CSF3R: variants seen among roughly 807,000 people sequenced by gnomAD.
The protein encoded by CSF3R is colony stimulating factor 3 receptor, also known as granulocyte colony-stimulating factor receptor.
Under a neutral mutation model 84.4 loss-of-function variants are expected in CSF3R, and 52 were observed. The ratio of observed to expected loss-of-function variants is 0.62; its 90% CI spans 0.49 to 0.78. The LOEUF (loss-of-function observed/expected upper bound fraction) is 0.78, where lower values mean the gene tolerates loss of function less well. CSF3R is among the 30% of genes least tolerant of loss of function. The probability of loss-of-function intolerance (pLI) is 0.00; values close to 1 mark genes in which losing one functional copy is unlikely to be tolerated. For synonymous variants in CSF3R, 384 were observed against 429.1 expected, an observed-to-expected ratio of 0.89 and a Z score of 1.30; for missense variants, 890 against 1,055.7, an observed-to-expected ratio of 0.84 and a Z score of 2.17.
chr1:36,468,290 T>C (rs1354435001), intron 12 of CSF3R, 69 bp from the exon 13 acceptor site: 4 of 1,485,754 alleles, frequency 2.7e-6, no homozygotes, highest in Middle Eastern at 1.9e-4. Context: ...GGACTTCTTG[T>C]GGCTTCCCAG....
chr1:36,469,136 G>C lies in CSF3R; in HGVS notation c.1576+20C>G, dbSNP rs761491589. 1 of 1,565,318 alleles carries C rather than the reference G, an allele frequency of 6.4e-7. No individual in the cohort carries two copies. The highest frequency in any genetic ancestry group is 8.8e-7 in the Non-Finnish European group (1 of 1,136,150). On this transcript the variant is annotated intron_variant, in intron 12 of 16. Coordinates refer to ENST00000373106, the MANE Select transcript of CSF3R (RefSeq NM_000760.4). Reference sequence around the variant, plus strand: ...AGAGAGAGGAGAGGATTCTGGAAAGGGGCCTGATAGTTGACAAACCCATTT... The same window carrying C: ...AGAGAGAGGAGAGGATTCTGGAAAGCGGCCTGATAGTTGACAAACCCATTT...
rs753048055 is a variant in CSF3R at position 36,479,498 on chromosome 1, G to A, written c.-2C>T. ...GCTGCAGTTTCCCAGCCTTGCCATA[G>A]CACCAACTTGATGTTCACCTGTAGG... On this transcript the variant is annotated 5_prime_UTR_variant, in exon 3 of 17. Transcript: ENST00000373106. 8 of 1,614,114 alleles carry A rather than the reference G, an allele frequency of 5.0e-6. No individual in the cohort carries two copies. The highest frequency in any genetic ancestry group is 1.6e-4 in the Middle Eastern group (1 of 6,062).
In CSF3R at chr1:36,467,104, G is replaced by C. The variant is rs1650372304; in HGVS notation, c.2040+126C>G. The stretch of plus-strand genomic sequence containing the variant: ...GGGATTCAAAGTTGGGTCTGCTTCA[G>C]TCCAAAGGGACGAGATGTTGCCGGA... On this transcript the variant is annotated intron_variant, in intron 16 of 16. Coordinates refer to ENST00000373106, the MANE Select transcript of CSF3R (RefSeq NM_000760.4). The surrounding 1 kb of genome is among the most constrained non-coding windows in gnomAD (Gnocchi z 4.1). 1.5e-6 allele frequency: 2 copies of C among 1,293,704 alleles called. No homozygotes were observed. Among genetic ancestry groups the C allele is most frequent in the South Asian group, 2.5e-5 (2 of 81,576 alleles). The allele number at this position is 1,293,704 out of a possible 1,614,324, so 80.1% of individuals were successfully genotyped here. A position where few individuals can be genotyped will look rare whatever the true frequency, so the allele number is the denominator to read the frequency against.
At position 36,467,429 on chromosome 1, in the gene CSF3R, G is replaced by A. The variant is rs929433525; in HGVS notation, c.1959-118C>T. 2 of 1,409,980 alleles carry A rather than the reference G, an allele frequency of 1.4e-6. No individual in the cohort carries two copies. Among genetic ancestry groups the A allele is most frequent in the African/African-American group, 1.4e-5 (1 of 70,634 alleles). 87.3% of individuals were successfully genotyped at this position (1,409,980 alleles called of 1,614,324 possible). A position where few individuals can be genotyped will look rare whatever the true frequency, so the allele number is the denominator to read the frequency against. ...CCCTTAGTGCAGAGAGAAGAAGCTG[G>A]GGGCTGGGACTCTCAGACATGGGCC... is the stretch of plus-strand genomic sequence containing the variant. On this transcript the variant is annotated intron_variant, in intron 15 of 16. Transcript: ENST00000373106. This position sits in a 1 kb window ranked among gnomAD's most constrained non-coding sequence, Gnocchi z 4.1.
chr1:36,473,594 C>A lies in CSF3R; in HGVS notation c.514G>T (p.Asp172Tyr). ...TTGGGCACGCAGTCCAGGATGGAGT[C>A]CCCTTGGGTCTGACAGTTGCCCCGG... Reference protein sequence around the residue: ...KSRGNCQTQGDSILDCVPKDG... With the variant: ...KSRGNCQTQGYSILDCVPKDG... Residue 172 changes from aspartate (D) to tyrosine (Y), a missense_variant, in exon 6 of 17, where the codon GAC becomes TAC. Coordinates refer to ENST00000373106, the MANE Select transcript of CSF3R (RefSeq NM_000760.4). 2.5e-6 allele frequency: 4 copies of A among 1,614,092 alleles called. No individual in the cohort carries two copies. The highest frequency in any genetic ancestry group is 3.4e-6 in the Non-Finnish European group (4 of 1,180,036).
Position 36,467,325 on chromosome 1 carries a change from C to T in CSF3R, c.1959-14G>A. The T allele has an allele frequency of 1.2e-6, 2 of 1,613,528 alleles. No individual in the cohort carries two copies. Among genetic ancestry groups the T allele is most frequent in the Non-Finnish European group, 1.7e-6 (2 of 1,179,472 alleles). On this transcript the variant is annotated splice_polypyrimidine_tract_variant and intron_variant, in intron 15 of 16. Coordinates refer to ENST00000373106, the MANE Select transcript of CSF3R (RefSeq NM_000760.4). This position sits in a 1 kb window ranked among gnomAD's most constrained non-coding sequence, Gnocchi z 4.1. ...GGATTCTTCCTGCTGGAGAAGGGGG[C>T]AGGTGGAGGCTGAGTCAGACACACC... is the stretch of plus-strand genomic sequence containing the variant.
Position 36,466,300 on chromosome 1 carries a change from T to A in CSF3R, c.*57A>T. ...CATGGGCTTATGGACCCTCCCCTCT[T>A]CTCCAGCTAGCTCAGGCCTTTAAGA... is the stretch of plus-strand genomic sequence containing the variant. On this transcript the variant is annotated 3_prime_UTR_variant, in exon 17 of 17. Transcript: ENST00000373106. The surrounding 1 kb of genome is among the most constrained non-coding windows in gnomAD (Gnocchi z 4.6). The A allele has an allele frequency of 6.2e-7, 1 of 1,611,764 alleles. No individual in the cohort carries two copies. The highest frequency in any genetic ancestry group is 8.5e-7 in the Non-Finnish European group (1 of 1,179,486).
chr1:36,471,456 G>A lies in CSF3R; in HGVS notation c.1262C>T (p.Pro421Leu), dbSNP rs776379864. The A allele has an allele frequency of 1.0e-4, 162 of 1,614,012 alleles. No homozygotes were observed. Among genetic ancestry groups the A allele is most frequent in the African/African-American group, 8.0e-5 (6 of 74,950 alleles). ...YNSAGTSRPTPVVFSESRGPA... is the reference protein window; with the variant it reads ...YNSAGTSRPTLVVFSESRGPA... Reference sequence around the variant, plus strand: ...ACCTCTGCTTTCTGAGAAGACCACCGGAGTGGGACGAGAGGTCCCGGCTGA... The same window carrying A: ...ACCTCTGCTTTCTGAGAAGACCACCAGAGTGGGACGAGAGGTCCCGGCTGA... Residue 421 changes from proline to leucine, a missense_variant, in exon 10 of 17, where the codon CCG becomes CTG. Physicochemically the swap from Pro to Leu is moderately conservative, Grantham distance 98 (BLOSUM62 -3). Coordinates refer to ENST00000373106, the MANE Select transcript of CSF3R (RefSeq NM_000760.4).
At chr1:36,469,319 G>T in intron 11 of CSF3R, 62 bp from the exon 12 acceptor site, 1 of 1,313,440 alleles carries the variant, frequency 7.6e-7, no homozygotes, top group Non-Finnish European at 1.1e-6. Flanking sequence ...ATGATCAGGA[G>T]CTAGCCTCAG....
rs1319117186 is a variant in CSF3R, at chr1:36,479,590, G to T, written c.-20-74C>A. 9.7e-6 allele frequency: 12 copies of T among 1,242,036 alleles called. No individual in the cohort carries two copies. The East Asian group carries it at 2.6e-4, about 27-fold the overall frequency. The allele number at this position is 1,242,036 out of a possible 1,614,324, so 76.9% of individuals were successfully genotyped here. A position where few individuals can be genotyped will look rare whatever the true frequency, so the allele number is the denominator to read the frequency against. ...GATCTTAATCCTTGTCTGTCACTGT[G>T]CAGCTTTGACTAGGTTGCTTGACTT... On this transcript the variant is annotated intron_variant, in intron 2 of 16. Coordinates refer to ENST00000373106, the MANE Select transcript of CSF3R (RefSeq NM_000760.4).
Position 36,471,598 on chromosome 1 carries a change from A to C in CSF3R, c.1120T>G (p.Ser374Ala). ...DSGRIQGYVVSWRPSGQAGAI... is the reference protein window; with the variant it reads ...DSGRIQGYVVAWRPSGQAGAI... ...CCAGCCTGGCCTGAGGGTCTCCAAG[A>C]AACCACATAACCTTGGATCCGTCCG... The change falls in exon 10 of 17, where the codon TCT becomes GCT. Residue 374 changes from serine (S) to alanine (A), a missense_variant. Ser to Ala is a moderately conservative substitution (Grantham distance 99, BLOSUM62 1). Transcript: ENST00000373106. The C allele has an allele frequency of 2.5e-6, 4 of 1,614,260 alleles. No individual in the cohort carries two copies. Among genetic ancestry groups the C allele is most frequent in the Non-Finnish European group, 3.4e-6 (4 of 1,180,042 alleles).
In CSF3R at chr1:36,480,649, C is replaced by T. The variant is rs74658272; in HGVS notation, c.-21+829G>A. Among the ~76,000 whole-genome samples the T allele has an allele frequency of 6.3e-3, 953 of 152,308 alleles. 2 individuals carry two copies. Among genetic ancestry groups the T allele is most frequent in the Non-Finnish European group, 8.5e-3 (577 of 68,034 alleles). On this transcript the variant is annotated intron_variant, in intron 2 of 16. Coordinates refer to ENST00000373106, the MANE Select transcript of CSF3R (RefSeq NM_000760.4). ...GCACGTACATATCTGGACACATACA[C>T]GCAGGTGGTGTCCCAGCAGATCCCT...
rs781671253 is a variant in CSF3R, at chr1:36,472,594, A to G, written c.766T>C (p.Trp256Arg). Residue 256 changes from tryptophan to arginine, a missense_variant, in exon 7 of 17, where the codon TGG (tryptophan) becomes CGG (arginine). Physicochemically the swap from Trp to Arg is moderately radical, Grantham distance 101 (BLOSUM62 -3). Coordinates refer to ENST00000373106, the MANE Select transcript of CSF3R (RefSeq NM_000760.4). This position sits in a 1 kb window ranked among gnomAD's most constrained non-coding sequence, Gnocchi z 5.0. ...TGATTTATGTGCAGGCCTGGCTGCCATGGCTCCCAGCACAGCTGTAGGCAG... is the reference window on the plus strand; with the variant it reads ...TGATTTATGTGCAGGCCTGGCTGCCGTGGCTCCCAGCACAGCTGTAGGCAG... ...AGCLQLCWEP[W>R]QPGLHINQKC... 3.7e-6 allele frequency: 6 copies of G among 1,613,884 alleles called. No homozygotes were observed. The highest frequency in any genetic ancestry group is 2.2e-5 in the South Asian group (2 of 91,086).
chr1:36,475,646 A>G lies in CSF3R; in HGVS notation c.92T>C (p.Val31Ala). The G allele has an allele frequency of 6.2e-7, 1 of 1,607,732 alleles. No individual in the cohort carries two copies. Among genetic ancestry groups the G allele is most frequent in the African/African-American group, 1.3e-5 (1 of 74,890 alleles). ...CCCCAGGTGGACGATGGGGGCTGAG[A>G]CACTGATGTGCCCGCACTCCTCCAG... ...GSLEECGHISVSAPIVHLGDP... is the reference protein window; with the variant it reads ...GSLEECGHISASAPIVHLGDP... Residue 31 changes from valine to alanine, a missense_variant, in exon 4 of 17, where the codon GTC becomes GCC. Transcript: ENST00000373106.
At chr1:36,468,876 T>C (rs1253683686) in intron 12 of CSF3R, 2 of 436,190 alleles carry the variant, frequency 4.6e-6, no homozygotes, top group Non-Finnish European at 8.6e-6. Context: ...GTCCAATTTC[T>C]GTTACATATA....
chr1:36,466,678 C>T lies in CSF3R; in HGVS notation c.2190G>A (p.Gln730=). The part of the protein sequence containing the change: ...LPTLVQTYVL[Q]GDPRAVSTQP... ...GGGTGGAAACTGCTCTTGGGTCCCC[C>T]TGGAGCACATAGGTCTGGACCAGAG... Residue 730 remains glutamine (Q), a synonymous_variant, in exon 17 of 17, where the codon CAG becomes CAA. Transcript: ENST00000373106. The surrounding 1 kb of genome is among the most constrained non-coding windows in gnomAD (Gnocchi z 4.6). 6.2e-7 allele frequency: 1 copy of T among 1,614,214 alleles called. No homozygotes were observed. The highest frequency in any genetic ancestry group is 2.2e-5 in the East Asian group (1 of 44,880).
At chr1:36,481,119 G>C (rs1651492691) in intron 2 of CSF3R, among the ~76,000 whole-genome samples, 1 of 152,214 alleles carries the variant, frequency 6.6e-6, no homozygotes, top group South Asian at 2.1e-4. Context: ...TTGGGACACT[G>C]GTTTTCATCT....
At chr1:36,474,423 A>G in intron 4 of CSF3R, among the ~76,000 whole-genome samples, 2 of 123,232 alleles carry the variant, frequency 1.6e-5, no homozygotes, top group African/African-American at 6.7e-5. Context: ...TTTGAGACAG[A>G]GTCTCACTCT....
intron 11 of CSF3R, 87 bp from the exon 12 acceptor site, chr1:36,469,344 C>T: frequency 2.0e-6 from 2 of 1,019,634 alleles, no homozygotes; most frequent in Non-Finnish European, 3.1e-6. Flanking sequence ...CTAGTGAGGG[C>T]TAACCTGGCC....
Sources: allele counts gnomAD v4.1 joint callset (sites outside exome capture counted in the v4.1 genomes callset), GRCh38; gene constraint gnomAD v4.1.1; non-coding constraint Gnocchi (gnomAD v3.1); transcripts MANE v1.5; gene names NCBI Gene and HGNC (gene_info 2026-07-23, HGNC 2026-07-21).